ZNF385B: variants seen among roughly 807,000 people sequenced by gnomAD.
ZNF385B encodes zinc finger protein 533.
ZNF385B carries 23 observed loss-of-function variants against 39.2 expected under a neutral mutation model. The observed-to-expected ratio is 0.59, with a 90% CI of 0.42 to 0.83. ZNF385B has a LOEUF of 0.83. ZNF385B is among the 40% of genes least tolerant of loss of function. The pLI, the probability that ZNF385B is intolerant of heterozygous loss-of-function variation, is 0.00. For synonymous variants in ZNF385B, 205 were observed against 222.6 expected (o/e 0.92, Z 0.70); for missense variants, 552 against 598.9 (o/e 0.92, Z 0.82).
intron 3 of ZNF385B, among the ~76,000 whole-genome samples, chr2:179,689,940 GC>G (rs1452056973): frequency 1.3e-5 from 2 of 151,954 alleles, no homozygotes; most frequent in Non-Finnish European, 2.9e-5. Flanking sequence ...CTCTCCTATA[GC>G]TAAAGCTCTC....
chr2:179,454,358 T>G (rs957602952), intron 6 of ZNF385B, among the ~76,000 whole-genome samples: 2 of 152,240 alleles, frequency 1.3e-5, no homozygotes, highest in African/African-American at 4.8e-5. Context: ...TGAACAAACC[T>G]ACTGTGCTAC....
chr2:179,596,887 C>A (rs1312843021), intron 3 of ZNF385B, among the ~76,000 whole-genome samples: 1 of 152,090 alleles, frequency 6.6e-6, no homozygotes, highest in East Asian at 1.9e-4. Flanking sequence ...AAACTCTGAG[C>A]AGGCCACATT....
intron 3 of ZNF385B, among the ~76,000 whole-genome samples, chr2:179,703,178 C>T (rs1408086979): frequency 1.3e-5 from 2 of 152,232 alleles, no homozygotes; most frequent in Non-Finnish European, 2.9e-5. Context: ...CATCTACTCG[C>T]CCTCTAGTTC....
intron 3 of ZNF385B, among the ~76,000 whole-genome samples, chr2:179,728,615 TA>T (rs1701174104): frequency 6.6e-6 from 1 of 152,182 alleles, no homozygotes; most frequent in South Asian, 2.1e-4. Flanking sequence ...CAAAATTTTT[TA>T]AAACTTTGAT....
At chr2:179,505,255 A>AAATTAC (rs2057147523) in intron 5 of ZNF385B, among the ~76,000 whole-genome samples, 8 of 152,088 alleles carry the variant, frequency 5.3e-5, no homozygotes, top group Admixed American at 3.9e-4. Context: ...ATTTTACTGT[A>AAATTAC]TGTAAATTAC....
intron 3 of ZNF385B, among the ~76,000 whole-genome samples, chr2:179,568,880 C>T (rs1356983320): frequency 1.3e-5 from 2 of 152,170 alleles, no homozygotes; most frequent in South Asian, 2.1e-4. Flanking sequence ...AGAATAAACT[C>T]TATTTAAACA....
chr2:179,808,419 C>T (rs1242704132), intron 1 of ZNF385B, among the ~76,000 whole-genome samples: 2 of 152,104 alleles, frequency 1.3e-5, no homozygotes, highest in Admixed American at 6.6e-5. Flanking sequence ...CTATGGTTAC[C>T]TGTGAAGAGA....
chr2:179,696,477 C>A (rs931909466), intron 3 of ZNF385B, among the ~76,000 whole-genome samples: 1 of 151,716 alleles, frequency 6.6e-6, no homozygotes, highest in Non-Finnish European at 1.5e-5. Context: ...AATAGCTATA[C>A]TAATACTGTT....
At chr2:179,573,089 C>A (rs1355780681) in intron 3 of ZNF385B, among the ~76,000 whole-genome samples, 1 of 152,118 alleles carries the variant, frequency 6.6e-6, no homozygotes, top group Non-Finnish European at 1.5e-5. Context: ...TTTCAAGAAT[C>A]TGCTCTCAAG....
intron 1 of ZNF385B, among the ~76,000 whole-genome samples, chr2:179,784,340 G>C (rs1704856056): frequency 6.6e-6 from 1 of 151,988 alleles, no homozygotes; most frequent in Non-Finnish European, 1.5e-5. Flanking sequence ...GGAAGAGGGA[G>C]AGCAGCAGAA....
At chr2:179,456,034 A>G (rs1333959847) in intron 6 of ZNF385B, among the ~76,000 whole-genome samples, 1 of 152,216 alleles carries the variant, frequency 6.6e-6, no homozygotes, top group Non-Finnish European at 1.5e-5. Context: ...CACAATGACA[A>G]AATAGCCTAA....
chr2:179,684,523 T>C (rs998600721), intron 3 of ZNF385B, among the ~76,000 whole-genome samples: 1 of 152,248 alleles, frequency 6.6e-6, no homozygotes, highest in African/African-American at 2.4e-5. Flanking sequence ...CTCTTACACA[T>C]ATTAATCCAT....
chr2:179,451,419 A>C (rs1310959160), intron 6 of ZNF385B, among the ~76,000 whole-genome samples: 7 of 152,040 alleles, frequency 4.6e-5, no homozygotes, highest in African/African-American at 1.7e-4. Flanking sequence ...GGGAGATATT[A>C]TTATAGATGT....
At chr2:179,833,169 A>G (rs1708071653) in intron 1 of ZNF385B, among the ~76,000 whole-genome samples, 1 of 152,130 alleles carries the variant, frequency 6.6e-6, no homozygotes, top group African/African-American at 2.4e-5. Context: ...TTATAATTTT[A>G]TTTAGGCACA....
chr2:179,819,366 G>A (rs967893481), intron 1 of ZNF385B, among the ~76,000 whole-genome samples: 4 of 152,028 alleles, frequency 2.6e-5, no homozygotes, highest in African/African-American at 9.7e-5. Flanking sequence ...GGAACACAGT[G>A]GCCTCCCTCA....
At chr2:179,512,082 A>G (rs1426590568) in intron 5 of ZNF385B, among the ~76,000 whole-genome samples, 3 of 152,142 alleles carry the variant, frequency 2.0e-5, no homozygotes, top group Non-Finnish European at 4.4e-5. Context: ...TACTTGTGGT[A>G]TTAATGCTGA....
intron 3 of ZNF385B, among the ~76,000 whole-genome samples, chr2:179,727,841 G>C (rs1315730115): frequency 1.3e-5 from 2 of 152,070 alleles, no homozygotes; most frequent in African/African-American, 2.4e-5. Flanking sequence ...TTATTTGTGA[G>C]CAGATGCCCA....
At chr2:179,653,066 T>C (rs1378295983) in intron 3 of ZNF385B, among the ~76,000 whole-genome samples, 1 of 152,160 alleles carries the variant, frequency 6.6e-6, no homozygotes, top group Admixed American at 6.6e-5. Context: ...TTGACTAAAG[T>C]AATGGTTATC....
At chr2:179,653,489 G>A (rs2106253415) in intron 3 of ZNF385B, among the ~76,000 whole-genome samples, 1 of 152,116 alleles carries the variant, frequency 6.6e-6, no homozygotes, top group Non-Finnish European at 1.5e-5. Flanking sequence ...ACTTATGGCG[G>A]GTTAATAAGT....
Sources: allele counts gnomAD v4.1 joint callset (sites outside exome capture counted in the v4.1 genomes callset), GRCh38; gene constraint gnomAD v4.1.1; transcripts MANE v1.5; gene names NCBI Gene and HGNC (gene_info 2026-07-23, HGNC 2026-07-21).